Variants in GBE1 observed in about 807,000 individuals in gnomAD.
The protein encoded by GBE1 is 1,4-alpha-glucan-branching enzyme.
GBE1 carries 70 observed loss-of-function variants against 88.8 expected under a neutral mutation model. The ratio of observed to expected loss-of-function variants is 0.79; its 90% CI spans 0.65 to 0.96. The LOEUF is 0.96. GBE1 is among the 40% of genes least tolerant of loss of function. The probability of loss-of-function intolerance (pLI) is 0.00; values close to 1 mark genes in which losing one functional copy is unlikely to be tolerated. For missense variants in GBE1, 872 were observed against 871.0 expected (o/e 1.00, Z -0.01); for synonymous variants, 284 against 300.1 (o/e 0.95, Z 0.56).
At chr3:81,666,651 T>C (rs1705117690) in intron 3 of GBE1, among the ~76,000 whole-genome samples, 1 of 152,174 alleles carries the variant, frequency 6.6e-6, no homozygotes, top group Admixed American at 6.5e-5. Flanking sequence ...ACTGAAAATA[T>C]GAAAAGAACA....
At chr3:81,699,941 A>T (rs1434435469) in intron 2 of GBE1, among the ~76,000 whole-genome samples, 1 of 152,212 alleles carries the variant, frequency 6.6e-6, no homozygotes, top group African/African-American at 2.4e-5. Context: ...TTGGCTAATG[A>T]AATGTAAGTG....
At chr3:81,507,661 CAT>C (rs944765451) in intron 14 of GBE1, among the ~76,000 whole-genome samples, 18 of 149,370 alleles carry the variant, frequency 1.2e-4, no homozygotes, top group African/African-American at 3.9e-4. Context: ...TTTCTTTATA[CAT>C]ATATGTGTGT....
chr3:81,522,514 T>C (rs1322369117), intron 14 of GBE1, among the ~76,000 whole-genome samples: 2 of 151,424 alleles, frequency 1.3e-5, no homozygotes, highest in Non-Finnish European at 3.0e-5. Flanking sequence ...GTAAATTATG[T>C]TGGAAATGCT....
intron 3 of GBE1, among the ~76,000 whole-genome samples, chr3:81,658,254 T>C (rs1456464495): frequency 2.6e-5 from 4 of 152,088 alleles, no homozygotes; most frequent in Non-Finnish European, 2.9e-5. Flanking sequence ...AGACTGAGTA[T>C]ATTAGCTATG....
At chr3:81,613,104 TC>T (rs1704203674) in intron 7 of GBE1, 1 of 547,542 alleles carries the variant, frequency 1.8e-6, no homozygotes, top group African/African-American at 2.1e-5. Context: ...ATTCCGACCT[TC>T]CTTTTTTAAA....
chr3:81,500,902 G>C (rs552940270), intron 14 of GBE1, among the ~76,000 whole-genome samples: 1 of 152,252 alleles, frequency 6.6e-6, no homozygotes, highest in African/African-American at 2.4e-5. Flanking sequence ...GAGAACATGA[G>C]GTATTTGGTT....
chr3:81,754,155 T>A (rs1433575578), intron 1 of GBE1, among the ~76,000 whole-genome samples: 1 of 152,188 alleles, frequency 6.6e-6, no homozygotes, highest in Non-Finnish European at 1.5e-5. Context: ...ATGATTTATA[T>A]ATGCCAACAG....
intron 2 of GBE1, among the ~76,000 whole-genome samples, chr3:81,702,208 T>C (rs1029342586): frequency 2.7e-5 from 4 of 150,356 alleles, no homozygotes; most frequent in Non-Finnish European, 3.0e-5. Flanking sequence ...TCACGTAGGT[T>C]GTCATCACAA....
intron 2 of GBE1, among the ~76,000 whole-genome samples, chr3:81,686,756 AAAAATAAAAT>A (rs1221507122): frequency 6.6e-6 from 1 of 152,178 alleles, no homozygotes; most frequent in Non-Finnish European, 1.5e-5. Flanking sequence ...ACTCTGACTC[AAAAATAAAAT>A]AAAATAAAAT....
intron 14 of GBE1, among the ~76,000 whole-genome samples, chr3:81,511,759 G>A (rs1033952801): frequency 9.2e-5 from 14 of 151,554 alleles, no homozygotes; most frequent in Admixed American, 5.3e-4. Flanking sequence ...TTCAGCTCCC[G>A]TGTAAAGCAG....
chr3:81,600,713 T>C (rs1263107317), intron 7 of GBE1, among the ~76,000 whole-genome samples: 2 of 152,124 alleles, frequency 1.3e-5, no homozygotes, highest in South Asian at 4.1e-4. Flanking sequence ...ACTACTATAA[T>C]GTATATAAAG....
chr3:81,646,603 G>T, intron 5 of GBE1, 121 bp from the exon 6 acceptor site: 1 of 611,302 alleles, frequency 1.6e-6, no homozygotes, highest in Non-Finnish European at 2.8e-6. Context: ...AGCTTTGGTC[G>T]TCTTGAAAAG....
intron 3 of GBE1, among the ~76,000 whole-genome samples, chr3:81,667,640 G>A (rs549120986): frequency 1.3e-5 from 2 of 152,230 alleles, no homozygotes; most frequent in African/African-American, 4.8e-5. Context: ...ATTTTATTGA[G>A]AGTTTTTAAC....
At chr3:81,663,261 T>C (rs1041645656) in intron 3 of GBE1, among the ~76,000 whole-genome samples, 2 of 152,104 alleles carry the variant, frequency 1.3e-5, no homozygotes, top group Admixed American at 1.3e-4. Context: ...ATCATGGGCC[T>C]ATAAAAACCC....
intron 1 of GBE1, chr3:81,743,623 T>C: frequency 6.5e-7 from 1 of 1,534,306 alleles, no homozygotes; most frequent in Non-Finnish European, 8.7e-7. Flanking sequence ...CGAATCCAAG[T>C]GAAATTGGAA....
At chr3:81,727,406 T>C (rs1009265302) in intron 1 of GBE1, among the ~76,000 whole-genome samples, 2 of 152,184 alleles carry the variant, frequency 1.3e-5, no homozygotes, top group Non-Finnish European at 2.9e-5. Context: ...ACCAAGGCAT[T>C]CCTAGAACAG....
chr3:81,649,850 T>C lies in GBE1; in HGVS notation c.501A>G (p.Glu167=), dbSNP rs778442735. The C allele has an allele frequency of 2.5e-6, 4 of 1,611,766 alleles. No individual in the cohort carries two copies. In the African/African-American group the frequency reaches 5.3e-5, roughly 22 times the overall value. ...TCCAATCATAATTCACATTATCACCTTCACGAACCACATACTTTGCCCACG... is the reference window on the plus strand; with the variant it reads ...TCCAATCATAATTCACATTATCACCCTCACGAACCACATACTTTGCCCACG... ...ISPWAKYVVR[E]GDNVNYDWIH... is the part of the protein sequence containing the mutation. Residue 167 remains glutamate, a synonymous_variant, in exon 4 of 16, where the codon GAA becomes GAG. Transcript: ENST00000429644.
intron 7 of GBE1, among the ~76,000 whole-genome samples, chr3:81,628,348 G>C (rs1420253512): frequency 2.6e-5 from 4 of 152,026 alleles, no homozygotes; most frequent in Non-Finnish European, 5.9e-5. Flanking sequence ...GGCCATGAAG[G>C]AGACCTCAGG....
intron 3 of GBE1, among the ~76,000 whole-genome samples, chr3:81,656,269 T>C (rs1473670618): frequency 6.6e-6 from 1 of 152,188 alleles, no homozygotes; most frequent in East Asian, 1.9e-4. Flanking sequence ...TTCCAGATTC[T>C]GCAGGGGGGC....
Sources: gnomAD v4.1 joint callset for allele counts (sites outside exome capture counted in the v4.1 genomes callset) on GRCh38, gnomAD v4.1.1 for gene constraint, MANE v1.5 for transcripts, NCBI Gene and HGNC (gene_info 2026-07-23, HGNC 2026-07-21) for gene names.